The following TAPBPL variants were observed in gnomAD, a reference collection of about 807,000 sequenced individuals.
The protein encoded by TAPBPL is tapasin-related protein.
TAPBPL carries 32 observed loss-of-function variants against 44.8 expected under a neutral mutation model. The observed-to-expected ratio is 0.71, with a 90% CI of 0.54 to 0.96. The LOEUF is 0.96. Ranked by LOEUF, TAPBPL falls within the 40% of genes least tolerant of loss-of-function variation. TAPBPL has a pLI of 0.00. For synonymous variants in TAPBPL, 230 were observed against 240.7 expected, an observed-to-expected ratio of 0.96 and a Z score of 0.41; for missense variants, 520 against 586.6, an observed-to-expected ratio of 0.89 and a Z score of 1.17.
rs755346645 is a variant in TAPBPL at position 6,458,817 on chromosome 12, G to A, written c.1077G>A (p.Val359=). 17 of 1,613,994 alleles carry A rather than the reference G, an allele frequency of 1.1e-5. No homozygotes were observed. The South Asian group carries it at 1.9e-4, about 18-fold the overall frequency. Residue 359 remains valine, a synonymous_variant, in exon 5 of 7, where the codon GTG becomes GTA. Coordinates refer to ENST00000266556, the MANE Select transcript of TAPBPL (RefSeq NM_018009.5). ...CCTTCTCCAGCCTCAGGCAAAGCGT[G>A]GCAGGCACCTACAGCATCTCCTCCT... ...GASFSSLRQS[V]AGTYSISSSL... is the part of the protein sequence containing the mutation.
chr12:6,462,077 C>T lies in TAPBPL; in HGVS notation c.1335C>T (p.Thr445=), dbSNP rs763601458. The part of the protein sequence containing the change: ...LGLLQAERWE[T]TSCADTQSSH... Reference sequence around the variant, plus strand: ...TGCTTCAGGCTGAACGCTGGGAGACCACTTCCTGTGCTGACACACAGAGCT... The same window carrying T: ...TGCTTCAGGCTGAACGCTGGGAGACTACTTCCTGTGCTGACACACAGAGCT... Residue 445 remains threonine, a synonymous_variant, in exon 7 of 7, where the codon ACC becomes ACT. Transcript: ENST00000266556. The T allele has an allele frequency of 8.1e-6, 13 of 1,613,604 alleles. No homozygotes were observed. Among genetic ancestry groups the T allele is most frequent in the East Asian group, 2.2e-5 (1 of 44,892 alleles).
Position 6,460,933 on chromosome 12 carries a change from G to A in TAPBPL, c.1286G>A (p.Arg429Gln), listed in dbSNP as rs201693802. ...LALMFLGLQR[R>Q]QAPTGLGLLQ... ...CTGATGTTCCTGGGGCTTCAGAGAC[G>A]GCAAGGTAAGAGCCTGGGTGCCCTT... The change falls in exon 6 of 7, where the codon CGG becomes CAG. Residue 429 changes from arginine (R) to glutamine (Q), a missense_variant. By Grantham distance (43) the Arg-to-Gln change is conservative. Coordinates refer to ENST00000266556, the MANE Select transcript of TAPBPL (RefSeq NM_018009.5). 2.4e-5 allele frequency: 39 copies of A among 1,614,054 alleles called. No individual in the cohort carries two copies. Among genetic ancestry groups the A allele is most frequent in the Admixed American group, 2.3e-4 (14 of 60,014 alleles).
At chr12:6,468,746 A>G (rs1284757648), downstream of TAPBPL, among the ~76,000 whole-genome samples, 1 of 152,200 alleles carries the variant, frequency 6.6e-6, no homozygotes, top group Non-Finnish European at 1.5e-5. Flanking sequence ...GTCCCAAAAC[A>G]TGGAGGCTAA....
At chr12:6,459,602 G>A (rs902142100) in intron 5 of TAPBPL, among the ~76,000 whole-genome samples, 1 of 152,080 alleles carries the variant, frequency 6.6e-6, no homozygotes, top group African/African-American at 2.4e-5. Flanking sequence ...ATCAATCAAT[G>A]GTAAAGAGAG....
intron 4 of TAPBPL, among the ~76,000 whole-genome samples, chr12:6,458,080 C>A (rs908437264): frequency 6.6e-6 from 1 of 152,208 alleles, no homozygotes; most frequent in Non-Finnish European, 1.5e-5. Flanking sequence ...ATTATCACTG[C>A]TATCCTTTAA....
rs773485558 is a variant in TAPBPL at position 6,453,472 on chromosome 12, C to T, written c.321C>T (p.Ala107=). The change falls in exon 3 of 7, where the codon GCC becomes GCT. Residue 107 remains alanine, a synonymous_variant. Transcript: ENST00000266556. This position sits in a 1 kb window ranked among gnomAD's most constrained non-coding sequence, Gnocchi z 4.8. ...TGGACCTGGTCCAGATTCCCCAGGC[C>T]GAGGCCTTGCTCCATGCTGACTGCA... ...ASVDLVQIPQ[A]EALLHADCSG... is the part of the protein sequence containing the mutation. 2.2e-5 allele frequency: 36 copies of T among 1,614,054 alleles called. No individual in the cohort carries two copies. The highest frequency in any genetic ancestry group is 2.7e-5 in the Non-Finnish European group (32 of 1,180,036).
At chr12:6,461,902 T>C in intron 6 of TAPBPL, 132 bp from the exon 7 acceptor site, 1 of 673,486 alleles carries the variant, frequency 1.5e-6, no homozygotes, top group Non-Finnish European at 2.5e-6. Flanking sequence ...GCACATCCCC[T>C]GGGACAGGAC....
chr12:6,466,132 T>A (rs1370713052), downstream of TAPBPL: 5 of 1,611,770 alleles, frequency 3.1e-6, no homozygotes, highest in East Asian at 2.2e-5. Context: ...CTTTGACTAT[T>A]CTCCTACGAA....
At chr12:6,468,141 C>G (rs1307399645), downstream of TAPBPL, among the ~76,000 whole-genome samples, 2 of 152,186 alleles carry the variant, frequency 1.3e-5, no homozygotes, top group African/African-American at 4.8e-5. Context: ...TTCTCCAGAC[C>G]CCAGAATGGT....
downstream of TAPBPL, among the ~76,000 whole-genome samples, chr12:6,469,249 G>A (rs375885949): frequency 7.6e-4 from 115 of 152,296 alleles, 1 homozygote; most frequent in South Asian, 0.015. Flanking sequence ...TCGACTTAAG[G>A]CAGAAAATTC....
In TAPBPL at chr12:6,460,953, G is replaced by A. The variant is rs1949841901; in HGVS notation, c.1291+15G>A. ...GAGACGGCAAGGTAAGAGCCTGGGT[G>A]CCCTTGGCTCTGGCCCTGGCCCACC... On this transcript the variant is annotated intron_variant, in intron 6 of 6. Coordinates refer to ENST00000266556, the MANE Select transcript of TAPBPL (RefSeq NM_018009.5). The A allele has an allele frequency of 6.2e-7, 1 of 1,613,904 alleles. No homozygotes were observed. Among genetic ancestry groups the A allele is most frequent in the East Asian group, 2.2e-5 (1 of 44,872 alleles).
At chr12:6,470,538 G>A (rs372139880), downstream of TAPBPL, 1 of 1,613,922 alleles carries the variant, frequency 6.2e-7, no homozygotes, top group African/African-American at 1.3e-5. Context: ...ACATTTTTCT[G>A]ACAGAGAGAG....
downstream of TAPBPL, chr12:6,471,132 C>G (rs1382706786): frequency 6.5e-6 from 1 of 153,786 alleles, no homozygotes; most frequent in East Asian, 1.9e-4. The surrounding 1 kb of genome is among the most constrained non-coding windows in gnomAD (Gnocchi z 4.0). Context: ...TCGCTCCGCA[C>G]CACCGCCCCG....
At chr12:6,470,920 C>T (rs1945761959), downstream of TAPBPL, 4 of 276,876 alleles carry the variant, frequency 1.4e-5, no homozygotes, top group Non-Finnish European at 2.8e-5. Context: ...GGCGGAGGGA[C>T]GGGGCGGGGT....
At chr12:6,464,533 A>AG, downstream of TAPBPL, 1 of 1,473,402 alleles carries the variant, frequency 6.8e-7, no homozygotes, top group Non-Finnish European at 9.0e-7. Flanking sequence ...AGAAAGAGAC[A>AG]GGAGAAAACA....
At chr12:6,463,933 A>C, downstream of TAPBPL, 2 of 1,289,498 alleles carry the variant, frequency 1.6e-6, no homozygotes, top group Non-Finnish European at 2.0e-6. This position sits in a 1 kb window ranked among gnomAD's most constrained non-coding sequence, Gnocchi z 4.0. Context: ...CGAAAAGGGT[A>C]CTGCACTGAA....
downstream of TAPBPL, chr12:6,463,703 C>T (rs1949936246): frequency 5.3e-6 from 6 of 1,133,274 alleles, no homozygotes; most frequent in Non-Finnish European, 6.6e-6. The surrounding 1 kb of genome is among the most constrained non-coding windows in gnomAD (Gnocchi z 4.0). Flanking sequence ...ATTTGGTGCC[C>T]TCATACAGAA....
downstream of TAPBPL, chr12:6,466,458 G>A (rs1950027891): frequency 3.8e-6 from 5 of 1,309,632 alleles, no homozygotes; most frequent in Non-Finnish European, 5.2e-6. Context: ...TGAAGTGGGA[G>A]GAGCGCTTGA....
chr12:6,462,014 T>C lies in TAPBPL; in HGVS notation c.1292-20T>C. On this transcript the variant is annotated intron_variant, in intron 6 of 6. Transcript: ENST00000266556. Reference sequence around the variant, plus strand: ...TGTGAGATGCCCACGCAACTTCCTGTCTTCACTTCCTCTTACCAGCACCTA... The same window carrying C: ...TGTGAGATGCCCACGCAACTTCCTGCCTTCACTTCCTCTTACCAGCACCTA... 1 of 1,601,342 alleles carries C rather than the reference T, an allele frequency of 6.2e-7. No homozygotes were observed. Among genetic ancestry groups the C allele is most frequent in the Non-Finnish European group, 8.5e-7 (1 of 1,170,888 alleles).
Sources: allele counts gnomAD v4.1 joint callset (sites outside exome capture counted in the v4.1 genomes callset), GRCh38; gene constraint gnomAD v4.1.1; non-coding constraint Gnocchi (gnomAD v3.1); transcripts MANE v1.5; gene names NCBI Gene and HGNC (gene_info 2026-07-23, HGNC 2026-07-21).